Variants in CDH23 observed in about 807,000 individuals in gnomAD.
CDH23 encodes the protein cadherin-23.
In CDH23, 189 loss-of-function variants were observed where a neutral mutation model predicts 317.1. That is an observed-to-expected ratio of 0.60 (90% CI 0.53 to 0.67). CDH23 has a LOEUF of 0.67. Among genes scored for constraint, CDH23 ranks in the 30% least tolerant of loss-of-function variants. CDH23 has a pLI of 0.00. For synonymous variants in CDH23, 1,839 were observed against 1,876.8 expected (o/e 0.98, Z 0.52); for missense variants, 4,401 against 4,592.4 (o/e 0.96, Z 1.20).
chr10:71,635,745 GGA>G (rs540216109), intron 11 of CDH23, among the ~76,000 whole-genome samples: 14 of 151,906 alleles, frequency 9.2e-5, no homozygotes, highest in African/African-American at 3.4e-4. Flanking sequence ...GAAAGGAAGA[GGA>G]GAGAGAGAAG....
chr10:71,485,023 C>CTTTTTTTTTTTTTTTTTTT (rs56153129), intron 3 of CDH23, among the ~76,000 whole-genome samples: 1 of 110,152 alleles, frequency 9.1e-6, no homozygotes. Context: ...TTTCTTTTTT[C>CTTTTTTTTTTTTTTTTTTT]TTTTTTTTTT....
intron 44 of CDH23, among the ~76,000 whole-genome samples, chr10:71,786,031 T>C (rs1841097475): frequency 6.6e-6 from 1 of 152,236 alleles, no homozygotes; most frequent in South Asian, 2.1e-4. Flanking sequence ...GCCTGGAGTG[T>C]GACAAACACT....
At chr10:71,428,325 A>G (rs993432769) in intron 1 of CDH23, among the ~76,000 whole-genome samples, 57 of 151,158 alleles carry the variant, frequency 3.8e-4, no homozygotes, top group African/African-American at 1.4e-3. Flanking sequence ...TTTAGTAGAG[A>G]TGGGGTTTCA....
At chr10:71,557,875 G>A (rs1856945955) in intron 6 of CDH23, among the ~76,000 whole-genome samples, 1 of 152,164 alleles carries the variant, frequency 6.6e-6, no homozygotes, top group Non-Finnish European at 1.5e-5. Context: ...CTCAGTATGA[G>A]TCTTTCTTCT....
At chr10:71,773,618 G>A in intron 38 of CDH23, 1 of 513,210 alleles carries the variant, frequency 1.9e-6, no homozygotes, top group Non-Finnish European at 3.2e-6. Flanking sequence ...TGGGGGAACT[G>A]CCTCTCCGAG....
In CDH23 at chr10:71,815,293, C is replaced by T; in HGVS notation, c.*15C>T. 1.3e-6 allele frequency: 2 copies of T among 1,546,034 alleles called. No homozygotes were observed. The highest frequency in any genetic ancestry group is 1.4e-5 in the African/African-American group (1 of 73,448). ...CAGAGCTGTGACTAGACAGGGAAGC[C>T]TTGTGGGTGTGAGCAGCACCCATCC... On this transcript the variant is annotated 3_prime_UTR_variant, in exon 70 of 70. Coordinates refer to ENST00000224721, the MANE Select transcript of CDH23 (RefSeq NM_022124.6).
Position 71,403,326 on chromosome 10 carries a change from C to CCTTT in CDH23, c.-6+6087_-6+6090dup, listed in dbSNP as rs201389920. 6.5e-3 allele frequency among the ~76,000 whole-genome samples: 392 copies of CCTTT among 60,586 alleles called. 9 individuals carry two copies. The highest frequency in any genetic ancestry group is 7.7e-3 in the East Asian group (15 of 1,942). The allele number at this position is 60,586 out of a possible 152,430, so 39.7% of individuals were successfully genotyped here. Reference sequence around the variant, plus strand: ...TTCTCTTTCTCTTTCTTCCTTCCTTCCTTTCTTTCTTTCTTTCTTTCTTTC... The same window carrying CCTTT: ...TTCTCTTTCTCTTTCTTCCTTCCTTCCTTTCTTTCTTTCTTTCTTTCTTTCTTTC... On this transcript the variant is annotated intron_variant, in intron 1 of 69. Transcript: ENST00000224721.
At chr10:71,692,855 G>A (rs1020524892) in intron 20 of CDH23, among the ~76,000 whole-genome samples, 7 of 152,364 alleles carry the variant, frequency 4.6e-5, no homozygotes, top group Admixed American at 2.0e-4. Flanking sequence ...GGCCCTGCCC[G>A]TGGAGAATGC....
intron 6 of CDH23, among the ~76,000 whole-genome samples, chr10:71,565,781 G>T (rs1221334940): frequency 6.6e-6 from 1 of 152,174 alleles, no homozygotes; most frequent in Non-Finnish European, 1.5e-5. Flanking sequence ...AGGGATTAAG[G>T]ATCAGAGAGA....
At chr10:71,697,268 A>G (rs1314737746) in intron 22 of CDH23, among the ~76,000 whole-genome samples, 1 of 152,132 alleles carries the variant, frequency 6.6e-6, no homozygotes, top group Non-Finnish European at 1.5e-5. Context: ...TGGACAATGG[A>G]CCAAGGACCT....
At chr10:71,763,031 G>C (rs1016962242) in intron 38 of CDH23, among the ~76,000 whole-genome samples, 4 of 152,186 alleles carry the variant, frequency 2.6e-5, no homozygotes, top group African/African-American at 9.7e-5. Flanking sequence ...TTCCTCCTCT[G>C]TGCAGTGAGA....
Position 71,702,673 on chromosome 10 carries a change from G to C in CDH23, c.2712G>C (p.Pro904=). The part of the protein sequence containing the change: ...PFVAEVLEGI[P]AGVSIYQVVA... ...TGGCCGAGGTGCTTGAAGGCATCCC[G>C]GCGGGGGTCTCCATCTACCAAGTGA... is the stretch of plus-strand genomic sequence containing the variant. The change falls in exon 24 of 70, where the codon CCG becomes CCC. Residue 904 remains proline, a synonymous_variant. Transcript: ENST00000224721. The C allele has an allele frequency of 6.2e-7, 1 of 1,613,818 alleles. No individual in the cohort carries two copies. The highest frequency in any genetic ancestry group is 8.5e-7 in the Non-Finnish European group (1 of 1,179,884).
intron 27 of CDH23, 45 bp downstream of exon 27, chr10:71,709,256 G>A (rs1242869424): frequency 3.2e-6 from 5 of 1,550,012 alleles, no homozygotes; most frequent in Admixed American, 1.7e-5. Context: ...TCTGGGCAGA[G>A]TTCACACAGG....
intron 1 of CDH23, among the ~76,000 whole-genome samples, chr10:71,419,274 T>C (rs891821038): frequency 1.3e-5 from 2 of 152,208 alleles, no homozygotes; most frequent in African/African-American, 4.8e-5. Flanking sequence ...GAATGGACTC[T>C]CTGAAGAATG....
At chr10:71,739,830 C>T in intron 36 of CDH23, 58 bp downstream of exon 36, 1 of 1,541,844 alleles carries the variant, frequency 6.5e-7, no homozygotes, top group East Asian at 2.3e-5. Context: ...AGACCGGTCA[C>T]TACTCTCCAT....
rs1423204226 is a variant in CDH23, at chr10:71,811,587, C to T, written c.9275C>T (p.Thr3092Ile). ...GTCCTCATGAACTGGTACTACAGGACTGTGTGAGTGTCCCCCACCCCTGCC... is the reference window on the plus strand; with the variant it reads ...GTCCTCATGAACTGGTACTACAGGATTGTGTGAGTGTCCCCCACCCCTGCC... Reference protein sequence around the residue: ...LFVLMNWYYRTVHKRKLKAIV... With the variant: ...LFVLMNWYYRIVHKRKLKAIV... The change falls in exon 64 of 70, where the codon ACT becomes ATT. Residue 3092 changes from threonine (T) to isoleucine (I), a missense_variant. By Grantham distance (89) the Thr-to-Ile change is moderately conservative. This residue lies in a region of CDH23 where 1,144 missense variants were observed against 1,138.2 expected (regional missense o/e 1.01). Coordinates refer to ENST00000224721, the MANE Select transcript of CDH23 (RefSeq NM_022124.6). 1.2e-6 allele frequency: 2 copies of T among 1,613,866 alleles called. No homozygotes were observed. Among genetic ancestry groups the T allele is most frequent in the African/African-American group, 1.3e-5 (1 of 74,934 alleles).
chr10:71,801,303 C>T (rs1183704618), intron 53 of CDH23, among the ~76,000 whole-genome samples: 9 of 151,846 alleles, frequency 5.9e-5, no homozygotes, highest in Non-Finnish European at 8.8e-5. Flanking sequence ...TACAGGCATG[C>T]GCTACCACAC....
At chr10:71,425,333 AAAG>A (rs1849018344) in intron 1 of CDH23, among the ~76,000 whole-genome samples, 1 of 124,202 alleles carries the variant, frequency 8.1e-6, no homozygotes, top group Non-Finnish European at 1.7e-5. Context: ...AAGAAAGAAC[AAAG>A]AATAGTCACA....
chr10:71,787,082 T>A (rs1589420993), intron 44 of CDH23, among the ~76,000 whole-genome samples: 1 of 152,120 alleles, frequency 6.6e-6, no homozygotes, highest in South Asian at 2.1e-4. Context: ...AGAGTTTGAA[T>A]GAACTCCAGC....
Sources: allele counts gnomAD v4.1 joint callset (sites outside exome capture counted in the v4.1 genomes callset), GRCh38; gene constraint gnomAD v4.1.1; regional missense constraint gnomAD v4.1.1; transcripts MANE v1.5; gene names NCBI Gene and HGNC (gene_info 2026-07-23, HGNC 2026-07-21).